PPP3CA: variants seen among roughly 807,000 people sequenced by gnomAD.
PPP3CA encodes protein phosphatase 3 catalytic subunit alpha.
PPP3CA carries 14 observed loss-of-function variants against 66.5 expected under a neutral mutation model. That is an observed-to-expected ratio of 0.21 (90% CI 0.14 to 0.33). PPP3CA has a LOEUF of 0.33. Among genes scored for constraint, PPP3CA ranks in the 10% least tolerant of loss-of-function variants. The pLI is 1.00. For synonymous variants in PPP3CA, 232 were observed against 226.2 expected (o/e 1.03, Z -0.23); for missense variants, 317 against 639.5 (o/e 0.50, Z 5.44).
At chr4:101,171,730 T>C (rs888935158) in intron 2 of PPP3CA, among the ~76,000 whole-genome samples, 1 of 152,160 alleles carries the variant, frequency 6.6e-6, no homozygotes. Context: ...TACTAATTAA[T>C]TTACTTGGTA....
chr4:101,256,574 CAT>C lies in PPP3CA; in HGVS notation c.59-60460_59-60459del, dbSNP rs561976570. ...TAGTACTCACTGATACCAAATAAAC[CAT>C]ATCTACAATAGAAATTTCCATTTAA... On this transcript the variant is annotated intron_variant, in intron 1 of 13. Transcript: ENST00000394854. 1.8e-4 allele frequency among the ~76,000 whole-genome samples: 28 copies of C among 152,058 alleles called. 1 individual carries two copies. The South Asian group carries it at 5.6e-3, about 30-fold the overall frequency.
intron 1 of PPP3CA, among the ~76,000 whole-genome samples, chr4:101,233,261 T>A (rs1726022300): frequency 6.6e-6 from 1 of 151,758 alleles, no homozygotes; most frequent in South Asian, 2.1e-4. Context: ...CCATCCTACT[T>A]TACACTTTAC....
chr4:101,321,278 A>G (rs796093617), intron 1 of PPP3CA, among the ~76,000 whole-genome samples: 105 of 152,346 alleles, frequency 6.9e-4, no homozygotes, highest in African/African-American at 2.5e-3. Context: ...ACCCAAAATA[A>G]AAAGTAGAAA....
chr4:101,118,690 C>T (rs894972185), intron 2 of PPP3CA, among the ~76,000 whole-genome samples: 1 of 151,292 alleles, frequency 6.6e-6, no homozygotes, highest in Non-Finnish European at 1.5e-5. Flanking sequence ...TCCTGTTTGA[C>T]CTTAGTCAAT....
In PPP3CA at chr4:101,024,024, A is replaced by T. The variant is rs931788607; in HGVS notation, c.*1841T>A. 1 of 152,362 alleles carries T rather than the reference A, an allele frequency of 6.6e-6. No homozygotes were observed. Among genetic ancestry groups the T allele is most frequent in the African/African-American group, 2.4e-5 (1 of 41,442 alleles). 9.4% of individuals were successfully genotyped at this position (152,362 alleles called of 1,614,324 possible). A position where few individuals can be genotyped will look rare whatever the true frequency, so the allele number is the denominator to read the frequency against. On this transcript the variant is annotated 3_prime_UTR_variant, in exon 14 of 14. Coordinates refer to ENST00000394854, the MANE Select transcript of PPP3CA (RefSeq NM_000944.5). The stretch of plus-strand genomic sequence containing the variant: ...CATCCAATACAACTGAAACAACCTG[A>T]TAACAAATTAATTTTATTTTTCAAT...
chr4:101,291,747 T>A (rs1367160947), intron 1 of PPP3CA, among the ~76,000 whole-genome samples: 1 of 152,108 alleles, frequency 6.6e-6, no homozygotes, highest in East Asian at 1.9e-4. Flanking sequence ...ACAATGAGTG[T>A]GTGAATGGTG....
At chr4:101,105,164 T>C (rs1486425742) in intron 3 of PPP3CA, among the ~76,000 whole-genome samples, 2 of 151,590 alleles carry the variant, frequency 1.3e-5, no homozygotes, top group African/African-American at 2.4e-5. Context: ...TTTTCTTTTT[T>C]TTCCTTTTTT....
rs111480158 is a variant in PPP3CA at position 101,196,934 on chromosome 4, C to T, written c.59-818G>A. 5.9e-5 allele frequency among the ~76,000 whole-genome samples: 9 copies of T among 152,306 alleles called. No homozygotes were observed. The South Asian group carries it at 1.9e-3, about 32-fold the overall frequency. ...CCGCCAGAGGACATTCACTAAACTC[C>T]TCTAGCTTGCCCTGCATCCAAAGGT... On this transcript the variant is annotated intron_variant, in intron 1 of 13. Coordinates refer to ENST00000394854, the MANE Select transcript of PPP3CA (RefSeq NM_000944.5).
At chr4:101,268,913 G>A (rs535753524) in intron 1 of PPP3CA, among the ~76,000 whole-genome samples, 1 of 152,080 alleles carries the variant, frequency 6.6e-6, no homozygotes. Flanking sequence ...CTCATGGGAC[G>A]TCCTGCTAAA....
chr4:101,259,570 A>C (rs1346808441), intron 1 of PPP3CA, among the ~76,000 whole-genome samples: 2 of 152,218 alleles, frequency 1.3e-5, no homozygotes, highest in Non-Finnish European at 2.9e-5. Flanking sequence ...AGCTTAAAAA[A>C]TGTGTTTCTG....
rs78091400 is a variant in PPP3CA at position 101,185,556 on chromosome 4, C to T, written c.259+10360G>A. Reference sequence around the variant, plus strand: ...TCAAACATTCTAATTTTTACTTCACCTCACTAACTTCACTACCTGTAGCAT... The same window carrying T: ...TCAAACATTCTAATTTTTACTTCACTTCACTAACTTCACTACCTGTAGCAT... On this transcript the variant is annotated intron_variant, in intron 2 of 13. Coordinates refer to ENST00000394854, the MANE Select transcript of PPP3CA (RefSeq NM_000944.5). 8.1e-3 allele frequency among the ~76,000 whole-genome samples: 1,239 copies of T among 152,220 alleles called. 14 individuals carry two copies. Among genetic ancestry groups the T allele is most frequent in the African/African-American group, 0.029 (1,191 of 41,538 alleles).
At chr4:101,188,034 T>C (rs1724469076) in intron 2 of PPP3CA, among the ~76,000 whole-genome samples, 1 of 152,112 alleles carries the variant, frequency 6.6e-6, no homozygotes, top group South Asian at 2.1e-4. Context: ...ACTAGGTGTA[T>C]CAAATGCATA....
At chr4:101,147,018 T>C (rs1043847207) in intron 2 of PPP3CA, among the ~76,000 whole-genome samples, 11 of 152,194 alleles carry the variant, frequency 7.2e-5, no homozygotes, top group Admixed American at 5.9e-4. Flanking sequence ...TCCTCTGAGA[T>C]AGGTACTGTT....
chr4:101,261,301 A>C (rs1316874156), intron 1 of PPP3CA, among the ~76,000 whole-genome samples: 2 of 152,114 alleles, frequency 1.3e-5, no homozygotes, highest in Non-Finnish European at 2.9e-5. Flanking sequence ...GTCAGTTTTC[A>C]ATCACAGTAT....
chr4:101,295,271 G>A (rs951041160), intron 1 of PPP3CA, among the ~76,000 whole-genome samples: 15 of 139,108 alleles, frequency 1.1e-4, no homozygotes, highest in African/African-American at 1.6e-4. Context: ...ACTGCAGTCC[G>A]CAGTCCGGCC....
At chr4:101,124,691 AAGAAAGAAAGAAAGAAAG>A (rs1560614244) in intron 2 of PPP3CA, among the ~76,000 whole-genome samples, 2 of 94,048 alleles carry the variant, frequency 2.1e-5, no homozygotes, top group African/African-American at 9.5e-5. Flanking sequence ...GAAAGAAAGA[AAGAAAGAAAGAAAGAAAG>A]AAAGAAAGAA....
intron 2 of PPP3CA, among the ~76,000 whole-genome samples, chr4:101,172,594 C>T (rs1466294655): frequency 6.6e-6 from 1 of 152,042 alleles, no homozygotes; most frequent in East Asian, 1.9e-4. Context: ...GAGTCTTTGT[C>T]CCCCTTCCTC....
At chr4:101,049,776 T>C (rs1727929906) in intron 10 of PPP3CA, among the ~76,000 whole-genome samples, 1 of 152,196 alleles carries the variant, frequency 6.6e-6, no homozygotes, top group Admixed American at 6.6e-5. Context: ...AACAAACATA[T>C]TAAATATTAC....
intron 2 of PPP3CA, among the ~76,000 whole-genome samples, chr4:101,160,606 T>C (rs1483265255): frequency 1.3e-5 from 2 of 152,046 alleles, no homozygotes; most frequent in Non-Finnish European, 2.9e-5. Flanking sequence ...AGTCAAGGTG[T>C]TACTGGAGTT....
Sources: gnomAD v4.1 joint callset for allele counts (sites outside exome capture counted in the v4.1 genomes callset) on GRCh38, gnomAD v4.1.1 for gene constraint, MANE v1.5 for transcripts, NCBI Gene and HGNC (gene_info 2026-07-23, HGNC 2026-07-21) for gene names.